The following AXIN1 variants were observed in gnomAD, a reference collection of about 807,000 sequenced individuals.
AXIN1 encodes axin 1.
AXIN1 carries 30 observed loss-of-function variants against 76.4 expected under a neutral mutation model. That is an observed-to-expected ratio of 0.39 (90% CI 0.29 to 0.53). The LOEUF (loss-of-function observed/expected upper bound fraction) is 0.53. Among genes scored for constraint, AXIN1 ranks in the 20% least tolerant of loss-of-function variants. AXIN1 has a pLI of 0.66. For synonymous variants in AXIN1, 545 were observed against 501.4 expected, an observed-to-expected ratio of 1.09 and a Z score of -1.16; for missense variants, 1,140 against 1,198.8, an observed-to-expected ratio of 0.95 and a Z score of 0.72.
intron 2 of AXIN1, among the ~76,000 whole-genome samples, chr16:321,994 A>G (rs1013322005): frequency 6.6e-6 from 1 of 152,244 alleles, no homozygotes; most frequent in Non-Finnish European, 1.5e-5. Flanking sequence ...GGAAACACAC[A>G]TCTGTGAGCC....
rs2141458933 is a variant in AXIN1, at chr16:288,134, C to T, written c.2577G>A (p.Glu859=). The T allele has an allele frequency of 1.9e-6, 3 of 1,613,476 alleles. No homozygotes were observed. Among genetic ancestry groups the T allele is most frequent in the Non-Finnish European group, 2.5e-6 (3 of 1,180,020 alleles). Reference sequence around the variant, plus strand: ...GCCCACCAGCCTATCAGTCCACCTTCTCCACTTTGCCGATGATCTTCTCCT... The same window carrying T: ...GCCCACCAGCCTATCAGTCCACCTTTTCCACTTTGCCGATGATCTTCTCCT... ...VFEEKIIGKV[E]KVD The change falls in exon 11 of 11, where the codon GAG becomes GAA. Residue 859 remains glutamate (E), a synonymous_variant. Transcript: ENST00000262320.
intron 5 of AXIN1, 40 bp downstream of exon 5, chr16:304,264 G>T (rs372925490): frequency 6.2e-7 from 1 of 1,600,768 alleles, no homozygotes. Context: ...AAAACAGCAC[G>T]ACACCGACGC....
Position 291,251 on chromosome 16 carries a change from C to G in AXIN1, c.2233G>C (p.Ala745Pro). ...ACCACGTGCAGCACCGGCGCGCACGCTGGCCTGACGCAGGCGCGTCCCCGC... is the reference window on the plus strand; with the variant it reads ...ACCACGTGCAGCACCGGCGCGCACGGTGGCCTGACGCAGGCGCGTCCCCGC... ...MRRGRACVRP[A>P]CAPVLHVVPA... Residue 745 changes from alanine (A) to proline (P), a missense_variant, in exon 9 of 11, where the codon GCG becomes CCG. Transcript: ENST00000262320. 1 of 1,586,094 alleles carries G rather than the reference C, an allele frequency of 6.3e-7. No homozygotes were observed. The highest frequency in any genetic ancestry group is 8.6e-7 in the Non-Finnish European group (1 of 1,167,276).
intron 2 of AXIN1, among the ~76,000 whole-genome samples, chr16:322,185 C>T (rs1409780986): frequency 6.6e-6 from 1 of 152,216 alleles, no homozygotes; most frequent in Non-Finnish European, 1.5e-5. Flanking sequence ...GGTGCTTCTC[C>T]CAGGCCTGGC....
intron 1 of AXIN1, among the ~76,000 whole-genome samples, chr16:347,380 C>G (rs368282361): frequency 3.9e-5 from 6 of 152,370 alleles, no homozygotes; most frequent in Middle Eastern, 6.8e-3. Context: ...TCTCACTGCA[C>G]AAACATCACG....
chr16:321,884 T>C (rs1051482079), intron 2 of AXIN1, among the ~76,000 whole-genome samples: 3 of 152,228 alleles, frequency 2.0e-5, no homozygotes, highest in Admixed American at 2.0e-4. Context: ...CCCTGAATGC[T>C]TCAGGCTGGT....
chr16:299,053 C>T (rs934953890), intron 5 of AXIN1: 31 of 984,938 alleles, frequency 3.1e-5, no homozygotes, highest in African/African-American at 3.5e-5. Flanking sequence ...AGGCATGAGC[C>T]GCCGCGCCCG....
At chr16:325,210 G>C (rs1359568409) in intron 2 of AXIN1, among the ~76,000 whole-genome samples, 1 of 152,122 alleles carries the variant, frequency 6.6e-6, no homozygotes, top group Non-Finnish European at 1.5e-5. Context: ...GGAAGCCTGG[G>C]GAGGCTTCCC....
intron 10 of AXIN1, 84 bp from the exon 11 acceptor site, chr16:288,332 A>ACCCCATCCCGAGGAGCCTCCTGTCCATG (rs2052446778): frequency 6.3e-7 from 1 of 1,593,342 alleles, no homozygotes; most frequent in Non-Finnish European, 8.6e-7. Flanking sequence ...GCGTGTCCAC[A>ACCCCATCCCGAGGAGCCTCCTGTCCATG]CCCCATCCCG....
At chr16:295,824 G>A (rs759178482) in intron 7 of AXIN1, among the ~76,000 whole-genome samples, 10 of 152,024 alleles carry the variant, frequency 6.6e-5, no homozygotes, top group Admixed American at 1.3e-4. Flanking sequence ...AAAATCAGCC[G>A]GGCGTGGTGG....
chr16:297,392 TC>T (rs2052742752), intron 6 of AXIN1, among the ~76,000 whole-genome samples, 166 bp from the exon 7 acceptor site: 1 of 151,398 alleles, frequency 6.6e-6, no homozygotes, highest in South Asian at 2.1e-4. Flanking sequence ...CGCCAGCTTG[TC>T]CCCCACCCGC....
At chr16:348,853 C>T (rs897009687) in intron 1 of AXIN1, among the ~76,000 whole-genome samples, 3 of 151,656 alleles carry the variant, frequency 2.0e-5, no homozygotes, top group African/African-American at 7.3e-5. Context: ...AATCCCAGCA[C>T]TTTGGGAAGC....
At chr16:326,411 A>G (rs1358905863) in intron 2 of AXIN1, among the ~76,000 whole-genome samples, 1 of 146,870 alleles carries the variant, frequency 6.8e-6, no homozygotes, top group African/African-American at 2.5e-5. Context: ...CTATAGATAA[A>G]TAACCTACCT....
rs1458136153 is a variant in AXIN1 at position 298,210 on chromosome 16, TG to T, written c.1295del (p.Pro432GlnfsTer48). On this transcript the variant is annotated frameshift_variant, in exon 6 of 11. Coordinates refer to ENST00000262320, the MANE Select transcript of AXIN1 (RefSeq NM_003502.4). LOFTEE classifies it high-confidence loss of function. ...CGGGAGGCAGCTTGTGACACGGCCC[TG>T]GGGGCCCTGACGATGGATCGCCGTC... ...GEDGDPSSGPPGPCHKLPPAP... is the reference protein window; with the variant it reads ...GEDGDPSSGPXGPCHKLPPAP... The T allele has an allele frequency of 1.3e-6, 2 of 1,540,954 alleles. No homozygotes were observed.
intron 8 of AXIN1, chr16:292,814 G>C (rs542164413): frequency 6.6e-6 from 1 of 152,442 alleles, no homozygotes; most frequent in African/African-American, 2.4e-5. Flanking sequence ...CTGCAGCCCA[G>C]ACAGAAGCCT....
intron 2 of AXIN1, among the ~76,000 whole-genome samples, chr16:341,353 C>G (rs1483168572): frequency 6.6e-6 from 1 of 152,254 alleles, no homozygotes; most frequent in Non-Finnish European, 1.5e-5. Context: ...GCCCGGCACT[C>G]AGAGCAGCCG....
At chr16:340,530 G>T (rs1035541164) in intron 2 of AXIN1, among the ~76,000 whole-genome samples, 2 of 152,210 alleles carry the variant, frequency 1.3e-5, no homozygotes, top group African/African-American at 4.8e-5. Flanking sequence ...GCCTGAGCCC[G>T]CCAGCCAGGG....
chr16:320,230 T>C (rs1259651547), intron 2 of AXIN1, among the ~76,000 whole-genome samples: 2 of 152,156 alleles, frequency 1.3e-5, no homozygotes, highest in Non-Finnish European at 2.9e-5. Flanking sequence ...ATTTTTTATA[T>C]AGATGAGGTC....
At position 336,311 on chromosome 16, in the gene AXIN1, G is replaced by C. The variant is rs1470092220; in HGVS notation, c.878+9837C>G. On this transcript the variant is annotated intron_variant, in intron 2 of 10. Transcript: ENST00000262320. ...CTGGTGCATGAACACCTCAGGGTAG[G>C]GGTGAGACAGGAGAGCAGCAGAGCT... Among the ~76,000 whole-genome samples the C allele has an allele frequency of 3.3e-5, 5 of 152,212 alleles. No homozygotes were observed. In the East Asian group the frequency reaches 9.6e-4, roughly 29 times the overall value.
Sources: allele counts gnomAD v4.1 joint callset (sites outside exome capture counted in the v4.1 genomes callset), GRCh38; gene constraint gnomAD v4.1.1; transcripts MANE v1.5; gene names NCBI Gene and HGNC (gene_info 2026-07-23, HGNC 2026-07-21).